HS3ST3B1: variants seen among roughly 807,000 people sequenced by gnomAD.
HS3ST3B1 encodes the protein heparan sulfate-glucosamine 3-sulfotransferase 3B1.
Under a neutral mutation model 21.3 loss-of-function variants are expected in HS3ST3B1, and 13 were observed. The observed-to-expected ratio is 0.61, with a 90% confidence interval of 0.40 to 0.97. The LOEUF is 0.97. Ranked by LOEUF, HS3ST3B1 falls within the 50% of genes least tolerant of loss-of-function variation. The pLI is 0.00. For synonymous variants in HS3ST3B1, 234 were observed against 254.8 expected, an observed-to-expected ratio of 0.92 and a Z score of 0.78; for missense variants, 459 against 554.8, an observed-to-expected ratio of 0.83 and a Z score of 1.73.
chr17:14,345,868 G>T lies in HS3ST3B1; in HGVS notation c.*222G>T. The T allele has an allele frequency of 3.7e-6, 2 of 535,572 alleles. No homozygotes were observed. The highest frequency in any genetic ancestry group is 4.3e-5 in the South Asian group (1 of 23,184). 33.2% of individuals were successfully genotyped at this position (535,572 alleles called of 1,614,324 possible). ...TTTCGTTCTCTTCTTCACAATTGAT[G>T]GTGCTTCTATTTTTTCTTCTCCCCT... On this transcript the variant is annotated 3_prime_UTR_variant, in exon 2 of 2. Coordinates refer to ENST00000360954, the MANE Select transcript of HS3ST3B1 (RefSeq NM_006041.3).
At chr17:14,302,672 C>A (rs1413274887) in intron 1 of HS3ST3B1, among the ~76,000 whole-genome samples, 8 of 152,002 alleles carry the variant, frequency 5.3e-5, no homozygotes, top group Non-Finnish European at 2.9e-5. Context: ...GTGAGCCGGG[C>A]GGGTGGCCCG....
At chr17:14,308,475 C>A (rs1909199973) in intron 1 of HS3ST3B1, among the ~76,000 whole-genome samples, 1 of 152,102 alleles carries the variant, frequency 6.6e-6, no homozygotes, top group African/African-American at 2.4e-5. Context: ...TTCATTGTGT[C>A]ATGGATGAAA....
chr17:14,336,337 G>A (rs1452505412), intron 1 of HS3ST3B1, among the ~76,000 whole-genome samples: 2 of 152,216 alleles, frequency 1.3e-5, no homozygotes, highest in African/African-American at 2.4e-5. Context: ...TATAGGAGGA[G>A]GGATATCACC....
intron 1 of HS3ST3B1, among the ~76,000 whole-genome samples, chr17:14,325,152 G>A (rs546437107): frequency 6.6e-6 from 1 of 152,324 alleles, no homozygotes; most frequent in African/African-American, 2.4e-5. Context: ...GTATTAAGCC[G>A]AGGGGCTGGC....
chr17:14,330,676 TACAA>T (rs992523648), intron 1 of HS3ST3B1, among the ~76,000 whole-genome samples: 40 of 152,102 alleles, frequency 2.6e-4, no homozygotes, highest in African/African-American at 8.4e-4. Flanking sequence ...AAGGCCAGTT[TACAA>T]ACATTTACAC....
At chr17:14,314,633 C>T (rs965214411) in intron 1 of HS3ST3B1, among the ~76,000 whole-genome samples, 4 of 152,300 alleles carry the variant, frequency 2.6e-5, no homozygotes, top group Admixed American at 2.6e-4. Flanking sequence ...ATCCAGATTT[C>T]CTGCTGCTTT....
Position 14,345,686 on chromosome 17 carries a change from A to C in HS3ST3B1, c.*40A>C. The C allele has an allele frequency of 6.3e-7, 1 of 1,588,106 alleles. No individual in the cohort carries two copies. Among genetic ancestry groups the C allele is most frequent in the Non-Finnish European group, 8.6e-7 (1 of 1,165,522 alleles). ...TGTACCTTACCCACGTGGCTTATCT[A>C]TTGACAGAGATTATATGTATGTAAA... On this transcript the variant is annotated 3_prime_UTR_variant, in exon 2 of 2. Coordinates refer to ENST00000360954, the MANE Select transcript of HS3ST3B1 (RefSeq NM_006041.3).
intron 1 of HS3ST3B1, among the ~76,000 whole-genome samples, chr17:14,313,113 T>TATATATAC (rs1555548213): frequency 3.8e-4 from 49 of 129,962 alleles, no homozygotes; most frequent in Admixed American, 1.1e-3. Context: ...TGTGTGTATA[T>TATATATAC]ATATATATAT....
intron 1 of HS3ST3B1, among the ~76,000 whole-genome samples, chr17:14,335,572 T>C (rs1241621412): frequency 6.6e-6 from 1 of 151,774 alleles, no homozygotes; most frequent in Non-Finnish European, 1.5e-5. Flanking sequence ...GCGACACCTG[T>C]AATCTCAGCT....
Position 14,347,950 on chromosome 17 carries a change from ATT to A in HS3ST3B1, c.*2309_*2310del, listed in dbSNP as rs1224033572. 6.6e-6 allele frequency: 1 copy of A among 152,090 alleles called. No individual in the cohort carries two copies. Among genetic ancestry groups the A allele is most frequent in the Non-Finnish European group, 1.5e-5 (1 of 68,022 alleles). 9.4% of individuals were successfully genotyped at this position (152,090 alleles called of 1,614,324 possible). The stretch of plus-strand genomic sequence containing the variant: ...GCATAAGGGTGCTAATTGGTTGTGT[ATT>A]TTTTCATTTATTTGAAATCAAACTG... On this transcript the variant is annotated 3_prime_UTR_variant, in exon 2 of 2. Coordinates refer to ENST00000360954, the MANE Select transcript of HS3ST3B1 (RefSeq NM_006041.3).
chr17:14,317,011 T>C (rs1909521785), intron 1 of HS3ST3B1, among the ~76,000 whole-genome samples: 2 of 152,266 alleles, frequency 1.3e-5, no homozygotes, highest in South Asian at 4.1e-4. Context: ...ATGGATCGCC[T>C]GCTCACCTCT....
intron 1 of HS3ST3B1, 140 bp from the exon 2 acceptor site, chr17:14,344,887 TA>T: frequency 7.6e-7 from 1 of 1,318,212 alleles, no homozygotes; most frequent in Non-Finnish European, 1.0e-6. Flanking sequence ...CTTTCAGCTC[TA>T]AAGTTCTACT....
At position 14,349,346 on chromosome 17, in the gene HS3ST3B1, T is replaced by A. The variant is rs932381737; in HGVS notation, c.*3700T>A. On this transcript the variant is annotated 3_prime_UTR_variant, in exon 2 of 2. Coordinates refer to ENST00000360954, the MANE Select transcript of HS3ST3B1 (RefSeq NM_006041.3). ...ACAGAGAAAGATGTTTCTAGGCAAG[T>A]GAAATTCTGGTAATTCATACTATTT... 1.3e-5 allele frequency: 2 copies of A among 152,326 alleles called. No individual in the cohort carries two copies. Among genetic ancestry groups the A allele is most frequent in the African/African-American group, 2.4e-5 (1 of 41,586 alleles). 9.4% of individuals were successfully genotyped at this position (152,326 alleles called of 1,614,324 possible).
intron 1 of HS3ST3B1, among the ~76,000 whole-genome samples, chr17:14,323,067 G>A (rs1002264852): frequency 3.3e-5 from 5 of 151,870 alleles, no homozygotes; most frequent in Non-Finnish European, 7.4e-5. Flanking sequence ...CACCATGCCC[G>A]GCTAATTTTT....
rs756527232 is a variant in HS3ST3B1 at position 14,301,661 on chromosome 17, T to C, written c.143T>C (p.Leu48Pro). ...AMLCVWLYMF[L>P]YSCAGSCAAA... The stretch of plus-strand genomic sequence containing the variant: ...CTCTGCGTCTGGCTCTATATGTTCC[T>C]GTACTCGTGCGCCGGCTCCTGCGCC... The change falls in exon 1 of 2, where the codon CTG becomes CCG. Residue 48 changes from leucine to proline, a missense_variant. This residue lies in a region of HS3ST3B1 where 317 missense variants were observed against 278.6 expected (regional missense o/e 1.14). Transcript: ENST00000360954. 16 of 1,605,152 alleles carry C rather than the reference T, an allele frequency of 1.0e-5. No individual in the cohort carries two copies. The highest frequency in any genetic ancestry group is 1.4e-5 in the Non-Finnish European group (16 of 1,177,506).
At chr17:14,323,281 A>G (rs544829928) in intron 1 of HS3ST3B1, among the ~76,000 whole-genome samples, 1 of 152,246 alleles carries the variant, frequency 6.6e-6, no homozygotes, top group East Asian at 1.9e-4. Flanking sequence ...AACTCATAAA[A>G]GCTCCAGAGC....
In HS3ST3B1 at chr17:14,337,332, A is replaced by ATTTTTTTTTT. The variant is rs35942275; in HGVS notation, c.555-7692_555-7683dup. On this transcript the variant is annotated intron_variant, in intron 1 of 1. Coordinates refer to ENST00000360954, the MANE Select transcript of HS3ST3B1 (RefSeq NM_006041.3). Reference sequence around the variant, plus strand: ...GCAACAAGTATCTTATCCTGATTGGATTTTTTTTTTTTTGAGATGGAGTCT... The same window carrying ATTTTTTTTTT: ...GCAACAAGTATCTTATCCTGATTGGATTTTTTTTTTTTTTTTTTTTTTTGAGATGGAGTCT... Among the ~76,000 whole-genome samples the ATTTTTTTTTT allele has an allele frequency of 1.4e-5, 2 of 143,434 alleles. 1 individual carries two copies. Among genetic ancestry groups the ATTTTTTTTTT allele is most frequent in the African/African-American group, 5.1e-5 (2 of 38,846 alleles). 94.1% of individuals were successfully genotyped at this position (143,434 alleles called of 152,430 possible). A position where few individuals can be genotyped will look rare whatever the true frequency, so the allele number is the denominator to read the frequency against.
chr17:14,314,232 G>A (rs1048299566), intron 1 of HS3ST3B1, among the ~76,000 whole-genome samples: 2 of 122,028 alleles, frequency 1.6e-5, no homozygotes, highest in African/African-American at 5.1e-5. Context: ...ACCCGCCTCG[G>A]CCTCCCGAAA....
intron 1 of HS3ST3B1, among the ~76,000 whole-genome samples, chr17:14,325,756 A>AAG (rs1315749310): frequency 3.3e-5 from 5 of 152,220 alleles, no homozygotes; most frequent in African/African-American, 9.6e-5. Flanking sequence ...AAGCCTGTTT[A>AAG]AGATACGCTG....
Sources: allele counts gnomAD v4.1 joint callset (sites outside exome capture counted in the v4.1 genomes callset), GRCh38; gene constraint gnomAD v4.1.1; regional missense constraint gnomAD v4.1.1; transcripts MANE v1.5; gene names NCBI Gene and HGNC (gene_info 2026-07-23, HGNC 2026-07-21).